The following TTC28 variants were observed in gnomAD, a reference collection of about 807,000 sequenced individuals.
The protein encoded by TTC28 is tetratricopeptide repeat protein 28.
TTC28 carries 61 observed loss-of-function variants against 198.0 expected under a neutral mutation model. That is an observed-to-expected ratio of 0.31 (90% confidence interval 0.25 to 0.38). TTC28 has a LOEUF of 0.38. TTC28 is among the 10% of genes least tolerant of loss of function. The pLI is 1.00. For missense variants in TTC28, 2,678 were observed against 3,164.0 expected, an observed-to-expected ratio of 0.85 and a Z score of 3.69; for synonymous variants, 1,171 against 1,297.8, an observed-to-expected ratio of 0.90 and a Z score of 2.10.
At chr22:27,991,516 C>A (rs1353370982) in intron 19 of TTC28, among the ~76,000 whole-genome samples, 2 of 152,216 alleles carry the variant, frequency 1.3e-5, no homozygotes, top group Admixed American at 1.3e-4. Context: ...CCCTAGGTAG[C>A]ACTCAGTGTG....
In TTC28 at chr22:28,276,487, G is replaced by A. The variant is rs143436901; in HGVS notation, c.933+19711C>T. On this transcript the variant is annotated intron_variant, in intron 5 of 22. Coordinates refer to ENST00000397906, the MANE Select transcript of TTC28 (RefSeq NM_001145418.2). ...GTAATAAGATTTGATTAGATAGATG[G>A]GTAGAGTTATGCTACTGCCAAATAT... Among the ~76,000 whole-genome samples the A allele has an allele frequency of 9.1e-4, 138 of 152,116 alleles. 2 individuals carry two copies. Among genetic ancestry groups the A allele is most frequent in the African/African-American group, 3.1e-3 (128 of 41,498 alleles).
In TTC28 at chr22:28,108,205, A is replaced by G; in HGVS notation, c.1640T>C (p.Val547Ala). ...GGAGGCCTGTGAGGCGCGGTCATTC[A>G]CTTCCATGGAGATCTGCAGCTCCTG... The part of the protein sequence containing the change: ...HRQELQISME[V>A]NDRASQASTH... The change falls in exon 7 of 23, where the codon GTG becomes GCG. Residue 547 changes from valine (V) to alanine (A), a missense_variant. This residue lies in a region of TTC28 where 775 missense variants were observed against 845.9 expected (regional missense o/e 0.92). Coordinates refer to ENST00000397906, the MANE Select transcript of TTC28 (RefSeq NM_001145418.2). 6.4e-7 allele frequency: 1 copy of G among 1,551,460 alleles called. No individual in the cohort carries two copies.
intron 5 of TTC28, among the ~76,000 whole-genome samples, chr22:28,172,711 C>T (rs755418116): frequency 1.3e-5 from 2 of 152,120 alleles, no homozygotes; most frequent in African/African-American, 2.4e-5. Flanking sequence ...TGGGACTCTC[C>T]GTGATGGGTG....
At chr22:28,600,123 G>A (rs767035222) in intron 2 of TTC28, among the ~76,000 whole-genome samples, 5 of 152,050 alleles carry the variant, frequency 3.3e-5, no homozygotes, top group African/African-American at 7.2e-5. Flanking sequence ...GGAGAGGCAC[G>A]GTGGCTCACA....
intron 13 of TTC28, among the ~76,000 whole-genome samples, chr22:28,016,164 A>C (rs1237563534): frequency 6.6e-6 from 1 of 152,054 alleles, no homozygotes; most frequent in Non-Finnish European, 1.5e-5. Context: ...GCCCACTCAC[A>C]TCCGCTCCCT....
At chr22:28,099,901 C>T (rs1468865376) in intron 9 of TTC28, among the ~76,000 whole-genome samples, 2 of 152,100 alleles carry the variant, frequency 1.3e-5, no homozygotes, top group East Asian at 3.9e-4. Flanking sequence ...GTTCAGTGTC[C>T]CAGGCTCAGA....
At chr22:28,617,906 C>CA (rs1368198451) in intron 2 of TTC28, among the ~76,000 whole-genome samples, 2 of 152,326 alleles carry the variant, frequency 1.3e-5, no homozygotes, top group East Asian at 3.9e-4. Context: ...ACCTGAAACA[C>CA]ATGAGAAAGA....
chr22:28,367,203 T>TA (rs1194688021), intron 2 of TTC28, among the ~76,000 whole-genome samples: 3 of 151,880 alleles, frequency 2.0e-5, no homozygotes, highest in Non-Finnish European at 4.4e-5. Context: ...AAAGAAGTCT[T>TA]AAAAATTTCA....
intron 2 of TTC28, among the ~76,000 whole-genome samples, chr22:28,366,356 T>C (rs2046245789): frequency 6.6e-6 from 1 of 152,190 alleles, no homozygotes; most frequent in African/African-American, 2.4e-5. Flanking sequence ...TCCTCTTCTC[T>C]CAATCACCCA....
chr22:28,507,568 A>C (rs1407151223), intron 2 of TTC28, among the ~76,000 whole-genome samples: 1 of 152,156 alleles, frequency 6.6e-6, no homozygotes. Flanking sequence ...ACCCAGTAAA[A>C]TACTCCACAA....
chr22:27,993,951 T>G (rs998805223), intron 17 of TTC28, among the ~76,000 whole-genome samples: 3 of 152,214 alleles, frequency 2.0e-5, no homozygotes, highest in Non-Finnish European at 4.4e-5. Context: ...GGCAATGCCC[T>G]TCTTCCCCAT....
At chr22:28,530,749 A>G (rs1293769240) in intron 2 of TTC28, among the ~76,000 whole-genome samples, 1 of 152,224 alleles carries the variant, frequency 6.6e-6, no homozygotes, top group South Asian at 2.1e-4. Context: ...AGTGGGGGCC[A>G]ATATTCAACA....
intron 2 of TTC28, among the ~76,000 whole-genome samples, chr22:28,605,403 C>T (rs541294009): frequency 3.3e-5 from 5 of 152,276 alleles, no homozygotes; most frequent in African/African-American, 9.6e-5. Context: ...ACCAATCAAA[C>T]GGTGGCAGCT....
intron 12 of TTC28, among the ~76,000 whole-genome samples, chr22:28,051,673 C>T (rs771841096): frequency 2.0e-5 from 3 of 152,286 alleles, no homozygotes; most frequent in Admixed American, 6.5e-5. Flanking sequence ...GCTGTTGTCA[C>T]GTCATGAAAG....
intron 2 of TTC28, among the ~76,000 whole-genome samples, chr22:28,383,960 A>G (rs1387408288): frequency 2.0e-5 from 3 of 152,126 alleles, no homozygotes; most frequent in African/African-American, 7.2e-5. Context: ...TCCCTCCCCT[A>G]AACAACTTAT....
At chr22:28,550,032 A>C (rs1420382807) in intron 2 of TTC28, among the ~76,000 whole-genome samples, 1 of 152,180 alleles carries the variant, frequency 6.6e-6, no homozygotes, top group Non-Finnish European at 1.5e-5. Flanking sequence ...ATCCATTTTA[A>C]GATCAATGAT....
chr22:28,280,387 C>T (rs1260351458), intron 5 of TTC28, among the ~76,000 whole-genome samples: 1 of 151,752 alleles, frequency 6.6e-6, no homozygotes, highest in Non-Finnish European at 1.5e-5. Flanking sequence ...AGTGCAATGG[C>T]GCGACCTCGG....
At chr22:28,522,488 C>CG (rs2048927502) in intron 2 of TTC28, among the ~76,000 whole-genome samples, 1 of 66,198 alleles carries the variant, frequency 1.5e-5, no homozygotes, top group Non-Finnish European at 3.1e-5. Flanking sequence ...AACTCCGTCT[C>CG]AAAAAAAAAA....
At position 27,996,129 on chromosome 22, in the gene TTC28, C is replaced by A. The variant is rs1339744389; in HGVS notation, c.5244+6G>T. The A allele has an allele frequency of 6.5e-7, 1 of 1,547,872 alleles. No homozygotes were observed. Among genetic ancestry groups the A allele is most frequent in the Admixed American group, 2.0e-5 (1 of 50,962 alleles). Reference sequence around the variant, plus strand: ...TCGTTGAGTGCAGGGTGCCCGACCCCCTTACCAGGTGCAGCAGCACTCGCA... The same window carrying A: ...TCGTTGAGTGCAGGGTGCCCGACCCACTTACCAGGTGCAGCAGCACTCGCA... On this transcript the variant is annotated splice_donor_region_variant and intron_variant, in intron 17 of 22. Transcript: ENST00000397906.
Sources: allele counts gnomAD v4.1 joint callset (sites outside exome capture counted in the v4.1 genomes callset), GRCh38; gene constraint gnomAD v4.1.1; regional missense constraint gnomAD v4.1.1; transcripts MANE v1.5; gene names NCBI Gene and HGNC (gene_info 2026-07-23, HGNC 2026-07-21).